EXTL3: variants seen among roughly 807,000 people sequenced by gnomAD.
EXTL3 encodes the protein exostosin like glycosyltransferase 3.
Under a neutral mutation model 69.3 loss-of-function variants are expected in EXTL3, and 27 were observed. The ratio of observed to expected loss-of-function variants is 0.39; its 90% CI spans 0.29 to 0.54. EXTL3 has a LOEUF of 0.54. Among genes scored for constraint, EXTL3 ranks in the 20% least tolerant of loss-of-function variants. EXTL3 has a pLI of 0.69. For synonymous variants in EXTL3, 511 were observed against 499.4 expected (o/e 1.02, Z -0.31); for missense variants, 1,003 against 1,231.8 (o/e 0.81, Z 2.78).
At chr8:28,666,384 C>T (rs1212332685) in intron 1 of EXTL3, among the ~76,000 whole-genome samples, 1 of 151,550 alleles carries the variant, frequency 6.6e-6, no homozygotes, top group African/African-American at 2.4e-5. Flanking sequence ...CTCAAGTGAT[C>T]CTCCTGCCTC....
intron 1 of EXTL3, among the ~76,000 whole-genome samples, chr8:28,677,410 C>A (rs1463081622): frequency 1.3e-5 from 2 of 152,064 alleles, no homozygotes. Context: ...GCTGTAACTT[C>A]CGAGTACAGA....
chr8:28,610,196 C>G (rs183648093), intron 2 of EXTL3, among the ~76,000 whole-genome samples: 21 of 146,340 alleles, frequency 1.4e-4, no homozygotes, highest in Middle Eastern at 6.8e-3. Flanking sequence ...GAGCGAGACT[C>G]CATCTCAAAA....
intron 1 of EXTL3, among the ~76,000 whole-genome samples, chr8:28,649,822 CT>C (rs371062639): frequency 8.3e-4 from 126 of 151,802 alleles, no homozygotes; most frequent in South Asian, 3.5e-3. Context: ...ATACATTATT[CT>C]ATGTTTTCTT....
intron 1 of EXTL3, among the ~76,000 whole-genome samples, chr8:28,664,373 C>CTTTG (rs36209329): frequency 1.8e-3 from 270 of 151,882 alleles, no homozygotes; most frequent in African/African-American, 4.8e-3. Flanking sequence ...TTCTTTCCAT[C>CTTTG]TTTGTTTGTT....
intron 2 of EXTL3, among the ~76,000 whole-genome samples, chr8:28,616,716 T>C (rs555471670): frequency 6.6e-6 from 1 of 152,048 alleles, no homozygotes; most frequent in East Asian, 1.9e-4. Context: ...CCTCTCTAAG[T>C]GAATTCAGTT....
At chr8:28,670,974 T>TC (rs1172355593) in intron 1 of EXTL3, among the ~76,000 whole-genome samples, 1 of 116,088 alleles carries the variant, frequency 8.6e-6, no homozygotes, top group Non-Finnish European at 2.3e-5. Flanking sequence ...GCTTCTGTTT[T>TC]TTTTTTTTAA....
chr8:28,639,312 G>A lies in EXTL3; in HGVS notation c.-53+16502G>A, dbSNP rs943824209. On this transcript the variant is annotated intron_variant, in intron 1 of 6. Coordinates refer to the EXTL3 transcript ENST00000523149. ...AGTCCCGGGTTCTCAATCTCTCTGCGTCCCTGCTGCCAATAATCTAATTCA... is the reference window on the plus strand; with the variant it reads ...AGTCCCGGGTTCTCAATCTCTCTGCATCCCTGCTGCCAATAATCTAATTCA... 5.9e-5 allele frequency among the ~76,000 whole-genome samples: 9 copies of A among 152,000 alleles called. No individual in the cohort carries two copies. The East Asian group carries it at 1.2e-3, about 20-fold the overall frequency.
chr8:28,666,636 C>T (rs11785298), intron 1 of EXTL3, among the ~76,000 whole-genome samples: 64,720 of 151,960 alleles, frequency 0.43, 16,435 homozygotes, highest in Non-Finnish European at 0.58. Flanking sequence ...AGTGCAGTGG[C>T]GTGATCTTGG....
chr8:28,657,581 G>C (rs1807031554), intron 1 of EXTL3, among the ~76,000 whole-genome samples: 1 of 152,020 alleles, frequency 6.6e-6, no homozygotes, highest in Admixed American at 6.6e-5. Flanking sequence ...AAGGTTTCTG[G>C]ACTACATGGT....
At chr8:28,651,083 G>A (rs974281862) in intron 1 of EXTL3, among the ~76,000 whole-genome samples, 2 of 151,720 alleles carry the variant, frequency 1.3e-5, no homozygotes, top group Admixed American at 6.6e-5. Flanking sequence ...CACTGTTACC[G>A]GATTAAGCAT....
intron 1 of EXTL3, among the ~76,000 whole-genome samples, chr8:28,664,536 G>A (rs530914502): frequency 5.3e-5 from 8 of 152,072 alleles, no homozygotes; most frequent in South Asian, 2.1e-4. Flanking sequence ...CTTTTTTCAC[G>A]TGGAATGAGT....
chr8:28,729,178 C>G (rs1163228150), intron 3 of EXTL3, among the ~76,000 whole-genome samples: 1 of 151,076 alleles, frequency 6.6e-6, no homozygotes, highest in Non-Finnish European at 1.5e-5. Context: ...GCTTGTAGTT[C>G]CAGCTACTTG....
At chr8:28,704,686 T>G (rs1486920824) in intron 1 of EXTL3, among the ~76,000 whole-genome samples, 1 of 152,202 alleles carries the variant, frequency 6.6e-6, no homozygotes, top group Non-Finnish European at 1.5e-5. Context: ...ATTTTTCTAT[T>G]GAGACGGCGT....
chr8:28,719,192 A>G (rs1286579152), intron 3 of EXTL3, among the ~76,000 whole-genome samples: 2 of 152,228 alleles, frequency 1.3e-5, no homozygotes, highest in African/African-American at 2.4e-5. Context: ...AAGCAGCAGC[A>G]TGGTGTAATA....
At chr8:28,610,211 GTA>G (rs1333043484) in intron 2 of EXTL3, among the ~76,000 whole-genome samples, 2 of 147,956 alleles carry the variant, frequency 1.4e-5, no homozygotes, top group African/African-American at 2.5e-5. Flanking sequence ...TCAAAAATAT[GTA>G]TATGTGTGTG....
At chr8:28,687,402 G>A (rs1318462837) in intron 1 of EXTL3, among the ~76,000 whole-genome samples, 1 of 151,896 alleles carries the variant, frequency 6.6e-6, no homozygotes, top group Non-Finnish European at 1.5e-5. Flanking sequence ...GGAGGTGGAG[G>A]TTGCAGTGAG....
At chr8:28,654,555 A>G (rs923441800) in intron 1 of EXTL3, among the ~76,000 whole-genome samples, 32 of 152,014 alleles carry the variant, frequency 2.1e-4, no homozygotes, top group Non-Finnish European at 4.3e-4. Flanking sequence ...TATATTTTGT[A>G]AAGATGGGGT....
In EXTL3 at chr8:28,717,901, C is replaced by T. The variant is rs759647888; in HGVS notation, c.1842C>T (p.Phe614=). 1.8e-5 allele frequency: 29 copies of T among 1,614,198 alleles called. No individual in the cohort carries two copies. Among genetic ancestry groups the T allele is most frequent in the Non-Finnish European group, 2.4e-5 (28 of 1,180,002 alleles). Residue 614 remains phenylalanine, a synonymous_variant, in exon 3 of 7, where the codon TTC becomes TTT. Transcript: ENST00000220562. This position sits in a 1 kb window ranked among gnomAD's most constrained non-coding sequence, Gnocchi z 8.3. The part of the protein sequence containing the change: ...WNCAPGPFHL[F]PHTPFDPVLP... ...GTGCTCCAGGGCCTTTCCATCTTTT[C>T]CCCCACACTCCCTTTGACCCTGTGT...
intron 1 of EXTL3, among the ~76,000 whole-genome samples, chr8:28,636,656 T>C (rs1455358860): frequency 6.6e-6 from 1 of 152,206 alleles, no homozygotes. Flanking sequence ...TTTGGGCCTG[T>C]TGTGAGTTCC....
Sources: allele counts gnomAD v4.1 joint callset (sites outside exome capture counted in the v4.1 genomes callset), GRCh38; gene constraint gnomAD v4.1.1; non-coding constraint Gnocchi (gnomAD v3.1); transcripts MANE v1.5; gene names NCBI Gene and HGNC (gene_info 2026-07-23, HGNC 2026-07-21).